The following FAT3 variants were observed in gnomAD, a reference collection of about 807,000 sequenced individuals.
The protein encoded by FAT3 is protocadherin Fat 3.
FAT3 carries 95 observed loss-of-function variants against 310.2 expected under a neutral mutation model. That is an observed-to-expected ratio of 0.31 (90% confidence interval 0.26 to 0.36). The LOEUF is 0.36. Among genes scored for constraint, FAT3 ranks in the 10% least tolerant of loss-of-function variants. FAT3 has a pLI of 1.00. For missense variants in FAT3, 5,408 were observed against 5,715.6 expected, an observed-to-expected ratio of 0.95 and a Z score of 1.74; for synonymous variants, 2,314 against 2,192.9, an observed-to-expected ratio of 1.06 and a Z score of -1.54.
rs78650662 is a variant in FAT3 at position 92,712,957 on chromosome 11, A to C, written c.3669+15512A>C. On this transcript the variant is annotated intron_variant, in intron 4 of 27. Coordinates refer to ENST00000525166, the MANE Select transcript of FAT3 (RefSeq NM_001367949.2). ...AATGGTGTTATCTGGAGATGTGTAC[A>C]TTTCCAAAGCCCAGCCCCAGCTTGC... Among the ~76,000 whole-genome samples the C allele has an allele frequency of 5.2e-3, 793 of 152,356 alleles. 8 individuals carry two copies. Among genetic ancestry groups the C allele is most frequent in the African/African-American group, 0.018 (744 of 41,590 alleles).
chr11:92,465,914 T>C (rs1047204827), intron 2 of FAT3, among the ~76,000 whole-genome samples: 1 of 152,122 alleles, frequency 6.6e-6, no homozygotes, highest in African/African-American at 2.4e-5. Flanking sequence ...AGATTGGAGA[T>C]AATTCCTAAG....
At chr11:92,785,801 A>G (rs1368903328) in intron 7 of FAT3, among the ~76,000 whole-genome samples, 1 of 152,182 alleles carries the variant, frequency 6.6e-6, no homozygotes. Flanking sequence ...CATAATTGCA[A>G]TTAAAAATAC....
chr11:92,801,951 TAAAG>T, intron 10 of FAT3, 42 bp downstream of exon 10: 1 of 1,547,842 alleles, frequency 6.5e-7, no homozygotes, highest in Non-Finnish European at 8.8e-7. Flanking sequence ...CACTGCTTTA[TAAAG>T]AAAGATGGAA....
intron 5 of FAT3, among the ~76,000 whole-genome samples, chr11:92,764,039 T>G (rs541027766): frequency 6.6e-6 from 1 of 152,322 alleles, no homozygotes; most frequent in South Asian, 2.1e-4. Context: ...AAATTTATTT[T>G]TATTTTTGTT....
intron 3 of FAT3, among the ~76,000 whole-genome samples, chr11:92,657,147 G>T (rs1419045984): frequency 3.3e-5 from 5 of 152,124 alleles, no homozygotes; most frequent in African/African-American, 1.2e-4. Flanking sequence ...TTTGTATAAA[G>T]CATGCCCGTT....
intron 2 of FAT3, among the ~76,000 whole-genome samples, chr11:92,435,278 G>T (rs192334851): frequency 6.6e-6 from 1 of 152,026 alleles, no homozygotes; most frequent in Admixed American, 6.5e-5. Context: ...CATTCTCAGG[G>T]TATGCTTAAG....
intron 3 of FAT3, among the ~76,000 whole-genome samples, chr11:92,634,674 T>C (rs894651114): frequency 6.6e-6 from 1 of 152,128 alleles, no homozygotes; most frequent in African/African-American, 2.4e-5. Flanking sequence ...AGGACCTGGC[T>C]CTCCACACAG....
chr11:92,796,454 G>T (rs978395906), intron 9 of FAT3, among the ~76,000 whole-genome samples: 2 of 152,110 alleles, frequency 1.3e-5, no homozygotes, highest in African/African-American at 2.4e-5. Context: ...TTTGTGTTCA[G>T]ACATGGAAAA....
intron 1 of FAT3, among the ~76,000 whole-genome samples, chr11:92,318,340 G>A (rs1042448348): frequency 6.6e-6 from 1 of 152,080 alleles, no homozygotes; most frequent in Non-Finnish European, 1.5e-5. Context: ...CTTTTTTCAC[G>A]TAGTCATTTC....
intron 4 of FAT3, among the ~76,000 whole-genome samples, chr11:92,755,295 T>C (rs1945959257): frequency 6.6e-6 from 1 of 152,208 alleles, no homozygotes; most frequent in Non-Finnish European, 1.5e-5. Flanking sequence ...TGATCTTGGC[T>C]CACTGCAACC....
intron 1 of FAT3, among the ~76,000 whole-genome samples, chr11:92,316,272 A>C (rs1249982022): frequency 2.0e-5 from 3 of 152,118 alleles, no homozygotes; most frequent in African/African-American, 7.2e-5. Flanking sequence ...TAAATACAGA[A>C]GGTTTCCTTT....
chr11:92,852,274 G>A, intron 19 of FAT3, among the ~76,000 whole-genome samples: 1 of 152,184 alleles, frequency 6.6e-6, no homozygotes, highest in East Asian at 1.9e-4. Flanking sequence ...TCCTTTTGAG[G>A]AATCTGTTTT....
chr11:92,729,818 G>A (rs571053287), intron 4 of FAT3, among the ~76,000 whole-genome samples: 67 of 152,048 alleles, frequency 4.4e-4, no homozygotes, highest in African/African-American at 1.4e-3. Context: ...AAAAAATTAC[G>A]TTGAAATTTA....
chr11:92,367,517 G>A (rs2134698670), intron 2 of FAT3, among the ~76,000 whole-genome samples: 1 of 152,218 alleles, frequency 6.6e-6, no homozygotes, highest in South Asian at 2.1e-4. Context: ...CCAGCTAGTG[G>A]GGCAGGGGAG....
At chr11:92,457,805 C>G (rs945399456) in intron 2 of FAT3, among the ~76,000 whole-genome samples, 1 of 152,060 alleles carries the variant, frequency 6.6e-6, no homozygotes, top group African/African-American at 2.4e-5. Context: ...ACCTGTAGTC[C>G]CAGCCACTCA....
chr11:92,701,233 T>C (rs1944087677), intron 4 of FAT3, among the ~76,000 whole-genome samples: 1 of 152,194 alleles, frequency 6.6e-6, no homozygotes, highest in Non-Finnish European at 1.5e-5. Context: ...CACTGCTGAA[T>C]AGATAACCAG....
At chr11:92,592,936 TGAAACCC>T in intron 3 of FAT3, among the ~76,000 whole-genome samples, 1 of 152,142 alleles carries the variant, frequency 6.6e-6, no homozygotes, top group African/African-American at 2.4e-5. Flanking sequence ...TTTGCAAAAC[TGAAACCC>T]TATACTCGTT....
At chr11:92,561,120 G>A (rs1033754754) in intron 3 of FAT3, among the ~76,000 whole-genome samples, 9 of 152,184 alleles carry the variant, frequency 5.9e-5, no homozygotes, top group African/African-American at 2.2e-4. Flanking sequence ...TAGCCTGTCT[G>A]AGGCACTTGC....
intron 3 of FAT3, among the ~76,000 whole-genome samples, chr11:92,631,720 G>C (rs1047535653): frequency 6.6e-6 from 1 of 152,098 alleles, no homozygotes; most frequent in Non-Finnish European, 1.5e-5. Flanking sequence ...AACTAATACA[G>C]AGGATTAATT....
Sources: allele counts gnomAD v4.1 joint callset (sites outside exome capture counted in the v4.1 genomes callset), GRCh38; gene constraint gnomAD v4.1.1; transcripts MANE v1.5; gene names NCBI Gene and HGNC (gene_info 2026-07-23, HGNC 2026-07-21).